CFAP61: variants seen among roughly 807,000 people sequenced by gnomAD.
CFAP61 encodes the protein cilia- and flagella-associated protein 61.
In CFAP61, 107 loss-of-function variants were observed where a neutral mutation model predicts 135.6. That is an observed-to-expected ratio of 0.79 (90% CI 0.67 to 0.93). The LOEUF (loss-of-function observed/expected upper bound fraction) is 0.93, where lower values mean the gene tolerates loss of function less well. Ranked by LOEUF, CFAP61 falls within the 40% of genes least tolerant of loss-of-function variation. The pLI, the probability that CFAP61 is intolerant of heterozygous loss-of-function variation, is 0.00. For synonymous variants in CFAP61, 575 were observed against 578.5 expected, an observed-to-expected ratio of 0.99 and a Z score of 0.09; for missense variants, 1,507 against 1,556.2, an observed-to-expected ratio of 0.97 and a Z score of 0.53.
intron 12 of CFAP61, among the ~76,000 whole-genome samples, chr20:20,167,325 T>C (rs934732128): frequency 3.3e-5 from 5 of 152,228 alleles, no homozygotes; most frequent in African/African-American, 1.2e-4. Flanking sequence ...TCATAATTTT[T>C]AAAAATTACT....
chr20:20,316,247 T>C (rs909378121), intron 25 of CFAP61, among the ~76,000 whole-genome samples: 1 of 152,114 alleles, frequency 6.6e-6, no homozygotes, highest in Non-Finnish European at 1.5e-5. Context: ...CTTGAAGAGG[T>C]CTTTCACATC....
chr20:20,058,253 GA>G (rs2044529702), intron 2 of CFAP61, among the ~76,000 whole-genome samples: 1 of 152,148 alleles, frequency 6.6e-6, no homozygotes, highest in African/African-American at 2.4e-5. Context: ...ATATACCAAT[GA>G]AATGATTTTA....
Position 20,251,619 on chromosome 20 carries a change from T to C in CFAP61, c.2184T>C (p.Tyr728=), listed in dbSNP as rs772626970. 1.9e-6 allele frequency: 3 copies of C among 1,614,228 alleles called. No individual in the cohort carries two copies. Among genetic ancestry groups the C allele is most frequent in the African/African-American group, 1.3e-5 (1 of 75,066 alleles). Residue 728 remains tyrosine (Y), a synonymous_variant, in exon 20 of 27, where the codon TAT becomes TAC. Transcript: ENST00000245957. Reference sequence around the variant, plus strand: ...GCCACTGTTTTAATGATAAAGATTATGCACTGATGTCACTGTGCTCCTGGG... The same window carrying C: ...GCCACTGTTTTAATGATAAAGATTACGCACTGATGTCACTGTGCTCCTGGG... The part of the protein sequence containing the change: ...ASDHCFNDKD[Y]ALMSLCSWVN...
At chr20:20,344,651 G>A (rs967326096) in intron 26 of CFAP61, among the ~76,000 whole-genome samples, 12 of 152,184 alleles carry the variant, frequency 7.9e-5, no homozygotes, top group Admixed American at 5.9e-4. Flanking sequence ...TACTGTTGGT[G>A]GGAGTGAAAA....
intron 13 of CFAP61, among the ~76,000 whole-genome samples, chr20:20,176,087 A>G (rs546339603): frequency 5.3e-5 from 8 of 152,174 alleles, no homozygotes; most frequent in Non-Finnish European, 1.2e-4. Flanking sequence ...CATGCAGCCA[A>G]CAAACATGAA....
chr20:20,299,525 T>C (rs1438212473), intron 25 of CFAP61, among the ~76,000 whole-genome samples: 1 of 152,260 alleles, frequency 6.6e-6, no homozygotes, highest in African/African-American at 2.4e-5. Context: ...AAAATGGGCA[T>C]TGGGCTGGAT....
chr20:20,195,744 G>A (rs965760024), intron 15 of CFAP61, among the ~76,000 whole-genome samples: 4 of 152,126 alleles, frequency 2.6e-5, no homozygotes, highest in East Asian at 1.9e-4. Context: ...GCCCAATTAC[G>A]CAGTTTTATA....
intron 11 of CFAP61, among the ~76,000 whole-genome samples, chr20:20,164,493 A>G: frequency 6.6e-6 from 1 of 152,178 alleles, no homozygotes; most frequent in East Asian, 1.9e-4. Flanking sequence ...ACATAACCAC[A>G]TGCTGCTCCC....
At chr20:20,249,373 C>CAA (rs111910616) in intron 19 of CFAP61, among the ~76,000 whole-genome samples, 1 of 144,380 alleles carries the variant, frequency 6.9e-6, no homozygotes, top group African/African-American at 2.5e-5. Context: ...CCCATTTCTA[C>CAA]AAAAAAAAAA....
At position 20,288,439 on chromosome 20, in the gene CFAP61, A is replaced by G. The variant is rs73285328; in HGVS notation, c.2797-170A>G. Among the ~76,000 whole-genome samples the G allele has an allele frequency of 4.9e-3, 750 of 152,356 alleles. 3 individuals are homozygous for G. The highest frequency in any genetic ancestry group is 0.017 in the African/African-American group (709 of 41,584). On this transcript the variant is annotated intron_variant, in intron 22 of 26. Coordinates refer to ENST00000245957, the MANE Select transcript of CFAP61 (RefSeq NM_015585.4). ...ATTTGGGGATCTTAATGGGTTCTTC[A>G]TGCCCAAGGCAATCTATCTCTCATA...
At chr20:20,127,765 T>C (rs1311124271) in intron 8 of CFAP61, among the ~76,000 whole-genome samples, 1 of 151,618 alleles carries the variant, frequency 6.6e-6, no homozygotes, top group Non-Finnish European at 1.5e-5. Context: ...AATTATATGC[T>C]CTTTGTCTTC....
chr20:20,315,354 C>T (rs1337540391), intron 25 of CFAP61, among the ~76,000 whole-genome samples: 1 of 151,560 alleles, frequency 6.6e-6, no homozygotes, highest in East Asian at 1.9e-4. Flanking sequence ...AGTGTCTGTT[C>T]ATATCCTTCG....
chr20:20,147,539 CT>C (rs1338175328), intron 9 of CFAP61, among the ~76,000 whole-genome samples: 1 of 152,172 alleles, frequency 6.6e-6, no homozygotes, highest in African/African-American at 2.4e-5. Flanking sequence ...GTTTGTACAT[CT>C]TTTGAAAAAT....
chr20:20,336,131 A>AT (rs1443514642), intron 25 of CFAP61, among the ~76,000 whole-genome samples: 2 of 152,142 alleles, frequency 1.3e-5, no homozygotes, highest in African/African-American at 4.8e-5. Flanking sequence ...TGAAGCTATA[A>AT]TAGAACAGGA....
chr20:20,359,926 C>G lies in CFAP61; in HGVS notation c.3514-284C>G, dbSNP rs1284099250. 6.6e-6 allele frequency among the ~76,000 whole-genome samples: 1 copy of G among 152,110 alleles called. No individual in the cohort carries two copies. The highest frequency in any genetic ancestry group is 6.5e-5 in the Admixed American group (1 of 15,270). ...CGGAGCTGGTGTTTAATGGAGACAGCGTTTCAGCTGACGAAGATGAGAAAG... is the reference window on the plus strand; with the variant it reads ...CGGAGCTGGTGTTTAATGGAGACAGGGTTTCAGCTGACGAAGATGAGAAAG... On this transcript the variant is annotated intron_variant, in intron 26 of 26. Coordinates refer to ENST00000245957, the MANE Select transcript of CFAP61 (RefSeq NM_015585.4). The surrounding 1 kb of genome is among the most constrained non-coding windows in gnomAD (Gnocchi z 4.0).
intron 2 of CFAP61, among the ~76,000 whole-genome samples, chr20:20,070,595 A>C (rs1335983868): frequency 6.6e-6 from 1 of 152,194 alleles, no homozygotes; most frequent in Non-Finnish European, 1.5e-5. Flanking sequence ...CTCCAAGGGA[A>C]AGATAGTAGA....
At chr20:20,295,439 G>C (rs553656706) in intron 24 of CFAP61, among the ~76,000 whole-genome samples, 88 of 152,262 alleles carry the variant, frequency 5.8e-4, no homozygotes, top group African/African-American at 2.1e-3. Context: ...CTCCCAGACA[G>C]CAGCCTTACT....
chr20:20,303,925 A>C (rs1189537914), intron 25 of CFAP61, among the ~76,000 whole-genome samples: 2 of 151,974 alleles, frequency 1.3e-5, no homozygotes, highest in Admixed American at 6.6e-5. Context: ...CCCCCTATCT[A>C]TTCTCACTCC....
chr20:20,088,305 C>G (rs1568870829), intron 6 of CFAP61, among the ~76,000 whole-genome samples: 1 of 152,150 alleles, frequency 6.6e-6, no homozygotes, highest in Non-Finnish European at 1.5e-5. Flanking sequence ...CATTCTCACA[C>G]TACTATAAGG....
Sources: gnomAD v4.1 joint callset for allele counts (sites outside exome capture counted in the v4.1 genomes callset) on GRCh38, gnomAD v4.1.1 for gene constraint, Gnocchi (gnomAD v3.1) non-coding constraint, MANE v1.5 for transcripts, NCBI Gene and HGNC (gene_info 2026-07-23, HGNC 2026-07-21) for gene names.